The following ALPK2 variants were observed in gnomAD, a reference collection of about 807,000 sequenced individuals.
The protein encoded by ALPK2 is alpha kinase 2, also known as alpha-protein kinase 2.
In ALPK2, 127 loss-of-function variants were observed where a neutral mutation model predicts 163.1. That is an observed-to-expected ratio of 0.78 (90% CI 0.67 to 0.90). The LOEUF is 0.90. Among genes scored for constraint, ALPK2 ranks in the 40% least tolerant of loss-of-function variants. The probability of loss-of-function intolerance (pLI) is 0.00; values close to 1 mark genes in which losing one functional copy is unlikely to be tolerated. For synonymous variants in ALPK2, 953 were observed against 959.1 expected (o/e 0.99, Z 0.12); for missense variants, 2,360 against 2,589.6 (o/e 0.91, Z 1.92).
At chr18:58,605,057 C>A (rs1387461422) in intron 3 of ALPK2, among the ~76,000 whole-genome samples, 7 of 152,160 alleles carry the variant, frequency 4.6e-5, no homozygotes, top group African/African-American at 1.4e-4. Context: ...TACTGTGAGA[C>A]TAAAATTAAT....
rs766022270 is a variant in ALPK2 at position 58,536,048 on chromosome 18, T to A, written c.4139A>T (p.Gln1380Leu). The A allele has an allele frequency of 1.9e-6, 3 of 1,614,222 alleles. No homozygotes were observed. The highest frequency in any genetic ancestry group is 2.5e-6 in the Non-Finnish European group (3 of 1,180,036). Residue 1380 changes from glutamine (Q) to leucine (L), a missense_variant, in exon 5 of 13, where the codon CAA (glutamine) becomes CTA (leucine). By Grantham distance (113) the Gln-to-Leu change is moderately radical (BLOSUM62 -2). Transcript: ENST00000361673. ...GAAGGCAGTGTGATCCATCTTGAGT[T>A]GTTTTTCCTCCTGGTCTTGACTCAC... ...NNVSQDQEEK[Q>L]LKMDHTAFFK...
intron 1 of ALPK2, among the ~76,000 whole-genome samples, chr18:58,613,164 G>C (rs528526575): frequency 1.3e-5 from 2 of 152,316 alleles, no homozygotes; most frequent in East Asian, 3.9e-4. Context: ...TACCCTGAGA[G>C]ACGAGTTCCC....
chr18:58,536,217 G>A lies in ALPK2; in HGVS notation c.3970C>T (p.His1324Tyr). ...HKGEEPTISV[H>Y]WRSLSSRGFS... ...CCCCGGGAAGAAAGACTTCTCCAAT[G>A]TACACTGATGGTGGGCTCTTCGCCT... is the stretch of plus-strand genomic sequence containing the variant. Residue 1324 changes from histidine (H) to tyrosine (Y), a missense_variant, in exon 5 of 13, where the codon CAT (histidine) becomes TAT (tyrosine). Transcript: ENST00000361673. 2 of 1,614,206 alleles carry A rather than the reference G, an allele frequency of 1.2e-6. No homozygotes were observed. Among genetic ancestry groups the A allele is most frequent in the Middle Eastern group, 1.7e-4 (1 of 6,060 alleles).
At position 58,536,797 on chromosome 18, in the gene ALPK2, T is replaced by G; in HGVS notation, c.3390A>C (p.Gly1130=). ...GCTGGACCCCCTGCTTTGTTTCACT[T>G]CCTCTTTCTTGGAAATTCTCTTCAT... is the stretch of plus-strand genomic sequence containing the variant. The part of the protein sequence containing the change: ...RSYEENFQER[G]SETKQGVQQQ... Residue 1130 remains glycine, a synonymous_variant, in exon 5 of 13, where the codon GGA becomes GGC. Coordinates refer to ENST00000361673, the MANE Select transcript of ALPK2 (RefSeq NM_052947.4). The G allele has an allele frequency of 6.2e-7, 1 of 1,614,198 alleles. No individual in the cohort carries two copies. Among genetic ancestry groups the G allele is most frequent in the South Asian group, 1.1e-5 (1 of 91,084 alleles).
At position 58,579,660 on chromosome 18, in the gene ALPK2, A is replaced by G; in HGVS notation, c.1116T>C (p.Gly372=). The G allele has an allele frequency of 6.2e-7, 1 of 1,613,794 alleles. No individual in the cohort carries two copies. Among genetic ancestry groups the G allele is most frequent in the African/African-American group, 1.3e-5 (1 of 74,902 alleles). The change falls in exon 4 of 13, where the codon GGT becomes GGC. Residue 372 remains glycine, a synonymous_variant. Transcript: ENST00000361673. ...TTCCACTGAGGAAATGCTCACACCC[A>G]CCCAGGCAATGCTCACCGAATTCCA... ...EEMEFGEHCL[G]GCEHFLSGMG...
chr18:58,616,862 C>T (rs2052171967), intron 1 of ALPK2, among the ~76,000 whole-genome samples: 1 of 152,050 alleles, frequency 6.6e-6, no homozygotes. Flanking sequence ...GCCAGTCAGT[C>T]AGAAGTTCCA....
rs1568082674 is a variant in ALPK2, at chr18:58,550,637, C to CGTACAACCCCATCCCCGTCTCCATCAT, written c.1963-12440_1963-12414dup. ...TACAACCACATCCCCATCTCCATCA[C>CGTACAACCCCATCCCCGTCTCCATCAT]GTACAACCCCATCCCCGTCTCCATC... On this transcript the variant is annotated intron_variant, in intron 4 of 12. Transcript: ENST00000361673. Among the ~76,000 whole-genome samples, 992 of 149,480 alleles carry CGTACAACCCCATCCCCGTCTCCATCAT rather than the reference C, an allele frequency of 6.6e-3. 32 individuals are homozygous for CGTACAACCCCATCCCCGTCTCCATCAT. The highest frequency in any genetic ancestry group is 0.024 in the African/African-American group (936 of 39,284).
At chr18:58,580,673 C>T in intron 3 of ALPK2, 125 bp from the exon 4 acceptor site, 1 of 977,570 alleles carries the variant, frequency 1.0e-6, no homozygotes, top group Non-Finnish European at 1.5e-6. Context: ...TCTGTGATCT[C>T]CCTGGAAAAG....
rs77501291 is a variant in ALPK2 at position 58,574,689 on chromosome 18, G to T, written c.1962+4125C>A. 8.4e-3 allele frequency among the ~76,000 whole-genome samples: 1,273 copies of T among 152,180 alleles called. 22 individuals carry two copies. The highest frequency in any genetic ancestry group is 0.029 in the African/African-American group (1,184 of 41,528). ...TTCATCCTGAAACCATCCCCGCCCC[G>T]TTCCGGCTGTGGAAAAATTGTCTTC... On this transcript the variant is annotated intron_variant, in intron 4 of 12. Transcript: ENST00000361673.
intron 9 of ALPK2, among the ~76,000 whole-genome samples, chr18:58,515,300 A>G (rs1255412725): frequency 1.3e-5 from 2 of 152,070 alleles, no homozygotes; most frequent in Non-Finnish European, 2.9e-5. Flanking sequence ...GTGGAGATCA[A>G]GTGGTCTCCA....
chr18:58,493,912 T>G (rs577958046), intron 12 of ALPK2, among the ~76,000 whole-genome samples: 72 of 152,298 alleles, frequency 4.7e-4, no homozygotes, highest in East Asian at 5.8e-4. Flanking sequence ...TTGTTTTATT[T>G]CAATCTGGCA....
chr18:58,499,097 G>A (rs1299361070), intron 11 of ALPK2, among the ~76,000 whole-genome samples: 1 of 152,168 alleles, frequency 6.6e-6, no homozygotes, highest in Non-Finnish European at 1.5e-5. Context: ...GCCTGGCGAA[G>A]CAGACATTTG....
chr18:58,488,789 G>A (rs572711119), intron 12 of ALPK2, among the ~76,000 whole-genome samples: 149 of 152,094 alleles, frequency 9.8e-4, no homozygotes, highest in Non-Finnish European at 2.0e-3. Flanking sequence ...GGTGTGTGAT[G>A]TGTGTGTGTA....
At chr18:58,624,714 A>C (rs1434008434) in intron 1 of ALPK2, among the ~76,000 whole-genome samples, 3 of 152,172 alleles carry the variant, frequency 2.0e-5, no homozygotes, top group African/African-American at 7.2e-5. Context: ...TTGGCCTCCC[A>C]AAATGCTGGA....
intron 2 of ALPK2, among the ~76,000 whole-genome samples, chr18:58,608,173 G>A (rs1169709119): frequency 6.6e-6 from 1 of 152,202 alleles, no homozygotes; most frequent in Admixed American, 6.5e-5. Flanking sequence ...CAAAGTTAGT[G>A]CGTTAGTTAT....
intron 4 of ALPK2, among the ~76,000 whole-genome samples, chr18:58,563,360 G>C (rs2051834864): frequency 6.6e-6 from 1 of 152,196 alleles, no homozygotes; most frequent in African/African-American, 2.4e-5. Flanking sequence ...AAACAGAGTG[G>C]AGCTCATGTT....
rs139450002 is a variant in ALPK2 at position 58,554,218 on chromosome 18, A to G, written c.1963-15994T>C. ...CTAATACAAACGTGTTAGCTCAGCT[A>G]TCGTCTTTGGGGCTGGAATGATGGA... On this transcript the variant is annotated intron_variant, in intron 4 of 12. Coordinates refer to ENST00000361673, the MANE Select transcript of ALPK2 (RefSeq NM_052947.4). Among the ~76,000 whole-genome samples the G allele has an allele frequency of 1.7e-4, 26 of 152,312 alleles. No individual in the cohort carries two copies. In the East Asian group the frequency reaches 3.9e-3, roughly 23 times the overall value.
intron 3 of ALPK2, among the ~76,000 whole-genome samples, chr18:58,581,254 A>G (rs138302344): frequency 4.8e-4 from 73 of 152,324 alleles, no homozygotes; most frequent in African/African-American, 1.7e-3. Context: ...GGCATAGAGA[A>G]CCCTCAAATC....
In ALPK2 at chr18:58,536,914, C is replaced by T. The variant is rs746381903; in HGVS notation, c.3273G>A (p.Glu1091=). ...GVPHHVLQLP[E]GEGFCSNSPL... ...GGGAATTACTGCAGAAACCCTCTCC[C>T]TCTGGGAGCTGCAGGACATGGTGTG... is the stretch of plus-strand genomic sequence containing the variant. Residue 1091 remains glutamate (E), a synonymous_variant, in exon 5 of 13, where the codon GAG becomes GAA. Coordinates refer to ENST00000361673, the MANE Select transcript of ALPK2 (RefSeq NM_052947.4). The T allele has an allele frequency of 1.2e-6, 2 of 1,614,228 alleles. No homozygotes were observed. The highest frequency in any genetic ancestry group is 1.1e-5 in the South Asian group (1 of 91,088).
Sources: allele counts gnomAD v4.1 joint callset (sites outside exome capture counted in the v4.1 genomes callset), GRCh38; gene constraint gnomAD v4.1.1; transcripts MANE v1.5; gene names NCBI Gene and HGNC (gene_info 2026-07-23, HGNC 2026-07-21).